The following NAV3 variants were observed in gnomAD, a reference collection of about 807,000 sequenced individuals.
The protein encoded by NAV3 is pore membrane and/or filament interacting like protein 1.
In NAV3, 87 loss-of-function variants were observed where a neutral mutation model predicts 244.7. The observed-to-expected ratio is 0.36, with a 90% CI of 0.30 to 0.42. NAV3 has a LOEUF of 0.42. NAV3 is among the 20% of genes least tolerant of loss of function. NAV3 has a pLI of 1.00. For missense variants in NAV3, 2,663 were observed against 2,893.3 expected (o/e 0.92, Z 1.83); for synonymous variants, 1,126 against 1,042.2 (o/e 1.08, Z -1.55).
intron 9 of NAV3, among the ~76,000 whole-genome samples, chr12:78,035,380 T>C (rs545011803): frequency 1.3e-5 from 2 of 152,330 alleles, no homozygotes; most frequent in East Asian, 3.9e-4. Flanking sequence ...TCTTCTTAAC[T>C]GTCAATGGTA....
At chr12:77,588,619 G>C (rs1869755483) in intron 2 of NAV3, among the ~76,000 whole-genome samples, 1 of 152,042 alleles carries the variant, frequency 6.6e-6, no homozygotes, top group Non-Finnish European at 1.5e-5. Context: ...AAGCATCCCT[G>C]CGTCCCCAGT....
At chr12:77,898,979 T>C (rs1475054511) in intron 1 of NAV3, among the ~76,000 whole-genome samples, 1 of 152,148 alleles carries the variant, frequency 6.6e-6, no homozygotes, top group Non-Finnish European at 1.5e-5. Flanking sequence ...TGACCCACCA[T>C]GGGAAGTAAC....
chr12:77,966,793 G>A (rs1892562144), intron 4 of NAV3, among the ~76,000 whole-genome samples: 3 of 152,024 alleles, frequency 2.0e-5, no homozygotes, highest in African/African-American at 7.2e-5. Flanking sequence ...GTTAATCACT[G>A]TTATATATAA....
chr12:78,109,895 A>T (rs1310357746), intron 12 of NAV3, among the ~76,000 whole-genome samples: 1 of 152,068 alleles, frequency 6.6e-6, no homozygotes, highest in Non-Finnish European at 1.5e-5. Context: ...CAAGACAAGG[A>T]TGCAAACTCT....
At chr12:77,750,404 C>T (rs1322592417) in intron 2 of NAV3, among the ~76,000 whole-genome samples, 2 of 151,968 alleles carry the variant, frequency 1.3e-5, no homozygotes, top group African/African-American at 2.4e-5. Flanking sequence ...TGTTGGCTTG[C>T]ACTTGTAGTC....
chr12:78,079,706 G>A (rs1190852828), intron 12 of NAV3, among the ~76,000 whole-genome samples: 1 of 152,106 alleles, frequency 6.6e-6, no homozygotes, highest in Non-Finnish European at 1.5e-5. Context: ...TTTAGAGAAT[G>A]GCTGGATACC....
intron 5 of NAV3, among the ~76,000 whole-genome samples, chr12:77,983,341 G>A (rs1869900818): frequency 1.3e-5 from 2 of 152,048 alleles, no homozygotes; most frequent in African/African-American, 4.8e-5. Flanking sequence ...CAATGAATTT[G>A]GTGACTGATT....
rs867823344 is a variant in NAV3, at chr12:77,728,856, G to A, written c.72+156590G>A. 2.3e-3 allele frequency among the ~76,000 whole-genome samples: 32 copies of A among 13,944 alleles called. No individual in the cohort carries two copies. The East Asian group carries it at 0.1, about 44-fold the overall frequency. The allele number at this position is 13,944 out of a possible 152,430, so 9.1% of individuals were successfully genotyped here. ...TCTTCTCCTGGCTCCCCTTCTACCC[G>A]CTTCACTTCTGCCTCTGCTACCCCT... On this transcript the variant is annotated intron_variant, in intron 2 of 8. Coordinates refer to the NAV3 transcript ENST00000550042.
At position 78,188,782 on chromosome 12, in the gene NAV3, A is replaced by G. The variant is rs748173734; in HGVS notation, c.6055+5A>G. 6.2e-6 allele frequency: 10 copies of G among 1,609,844 alleles called. No individual in the cohort carries two copies. In the African/African-American group the frequency reaches 1.2e-4, roughly 19 times the overall value. On this transcript the variant is annotated splice_donor_5th_base_variant and intron_variant, in intron 33 of 39. Coordinates refer to ENST00000397909, the MANE Select transcript of NAV3 (RefSeq NM_001024383.2). Reference sequence around the variant, plus strand: ...TCATCACTGTGAACCTCAAAGGTAAAAGCAATAATGAAAAGCAAGGCAGAA... The same window carrying G: ...TCATCACTGTGAACCTCAAAGGTAAGAGCAATAATGAAAAGCAAGGCAGAA...
intron 2 of NAV3, among the ~76,000 whole-genome samples, chr12:77,755,856 T>C (rs1869147978): frequency 1.3e-5 from 2 of 151,400 alleles, no homozygotes; most frequent in Admixed American, 6.6e-5. Flanking sequence ...ACCTCAACCT[T>C]CCAAGTAGCT....
chr12:78,107,097 C>G (rs989504042), intron 12 of NAV3, among the ~76,000 whole-genome samples: 1 of 152,080 alleles, frequency 6.6e-6, no homozygotes, highest in Non-Finnish European at 1.5e-5. Flanking sequence ...TAGGAAGAAG[C>G]GACTGTTACA....
intron 12 of NAV3, among the ~76,000 whole-genome samples, chr12:78,077,063 G>T (rs1171821625): frequency 1.3e-5 from 2 of 152,040 alleles, no homozygotes; most frequent in African/African-American, 4.8e-5. Context: ...TGTTGTATAT[G>T]TAATTTATAT....
At chr12:78,167,098 G>C (rs1335605732) in intron 23 of NAV3, among the ~76,000 whole-genome samples, 1 of 151,418 alleles carries the variant, frequency 6.6e-6, no homozygotes, top group Non-Finnish European at 1.5e-5. Context: ...TTATTTCTTG[G>C]GGGATATTTT....
chr12:78,057,813 C>T (rs770278115), intron 11 of NAV3, among the ~76,000 whole-genome samples: 9 of 152,140 alleles, frequency 5.9e-5, no homozygotes, highest in Non-Finnish European at 1.0e-4. Flanking sequence ...AGCAGTCTGG[C>T]TCTGGTCTAC....
intron 12 of NAV3, among the ~76,000 whole-genome samples, chr12:78,088,033 C>CAT (rs547523601): frequency 0.026 from 3,823 of 147,778 alleles, 62 homozygotes; most frequent in Middle Eastern, 0.073. Flanking sequence ...AGTGTTTCTT[C>CAT]ATATATATAT....
chr12:77,614,749 A>G (rs1178256145), intron 2 of NAV3, among the ~76,000 whole-genome samples: 1 of 152,198 alleles, frequency 6.6e-6, no homozygotes, highest in Non-Finnish European at 1.5e-5. Flanking sequence ...ATGTGCTTTC[A>G]CATACTTGTT....
chr12:78,006,382 T>C (rs930975910), intron 7 of NAV3, 37 bp from the exon 8 acceptor site: 2 of 1,568,112 alleles, frequency 1.3e-6, no homozygotes, highest in African/African-American at 2.7e-5. Flanking sequence ...TCAAGATTAA[T>C]CGCCTTTTCT....
At chr12:78,151,871 A>G (rs1158694305) in intron 22 of NAV3, among the ~76,000 whole-genome samples, 1 of 150,982 alleles carries the variant, frequency 6.6e-6, no homozygotes, top group Non-Finnish European at 1.5e-5. Flanking sequence ...ATAATTATAA[A>G]ATATATAATG....
chr12:78,132,970 AG>A (rs1363911779), intron 18 of NAV3, among the ~76,000 whole-genome samples: 8 of 152,166 alleles, frequency 5.3e-5, no homozygotes, highest in African/African-American at 1.9e-4. Flanking sequence ...TTCAATAGAC[AG>A]GAACCTGTGA....
Sources: gnomAD v4.1 joint callset for allele counts (sites outside exome capture counted in the v4.1 genomes callset) on GRCh38, gnomAD v4.1.1 for gene constraint, MANE v1.5 for transcripts, NCBI Gene and HGNC (gene_info 2026-07-23, HGNC 2026-07-21) for gene names.